Variants in KBTBD3 observed in about 807,000 individuals in gnomAD.
KBTBD3 encodes kelch repeat and BTB domain containing 3, also known as kelch repeat and BTB domain-containing protein 3.
KBTBD3 carries 38 observed loss-of-function variants against 49.6 expected under a neutral mutation model. That is an observed-to-expected ratio of 0.77 (90% CI 0.59 to 1.00). The LOEUF (loss-of-function observed/expected upper bound fraction) is 1.00. Among genes scored for constraint, KBTBD3 ranks in the 50% least tolerant of loss-of-function variants. The pLI is 0.00. For synonymous variants in KBTBD3, 214 were observed against 250.4 expected (o/e 0.85, Z 1.37); for missense variants, 661 against 712.0 (o/e 0.93, Z 0.81).
intron 1 of KBTBD3, among the ~76,000 whole-genome samples, 182 bp downstream of exon 1, chr11:106,077,130 T>C (rs1208497339): frequency 6.6e-6 from 1 of 152,070 alleles, no homozygotes; most frequent in African/African-American, 2.4e-5. Context: ...GGCTGATGCG[T>C]TGCACAACTG....
intron 2 of KBTBD3, among the ~76,000 whole-genome samples, chr11:106,064,048 T>G (rs1186947265): frequency 2.6e-5 from 4 of 152,170 alleles, no homozygotes; most frequent in Non-Finnish European, 5.9e-5. Flanking sequence ...ATCAATAAGT[T>G]TACACTTATA....
rs1024594843 is a variant in KBTBD3 at position 106,052,094 on chromosome 11, C to G, written c.*756G>C. On this transcript the variant is annotated 3_prime_UTR_variant, in exon 4 of 4. Transcript: ENST00000531837. ...ATTGAGGGTTACATGTTAACATAAACTCAGGCCAGGTGTAACTTAGAACTA... is the reference window on the plus strand; with the variant it reads ...ATTGAGGGTTACATGTTAACATAAAGTCAGGCCAGGTGTAACTTAGAACTA... The G allele has an allele frequency of 1.3e-5, 2 of 151,668 alleles. No individual in the cohort carries two copies. Among genetic ancestry groups the G allele is most frequent in the Non-Finnish European group, 2.9e-5 (2 of 67,800 alleles). The allele number at this position is 151,668 out of a possible 1,614,324, so 9.4% of individuals were successfully genotyped here. A position where few individuals can be genotyped will look rare whatever the true frequency, so the allele number is the denominator to read the frequency against.
intron 2 of KBTBD3, among the ~76,000 whole-genome samples, chr11:106,070,930 C>T (rs1272062114): frequency 6.6e-6 from 1 of 152,020 alleles, no homozygotes; most frequent in Non-Finnish European, 1.5e-5. Context: ...GGAATCTACA[C>T]GTGAGAAAAT....
intron 2 of KBTBD3, 22 bp from the exon 3 acceptor site, chr11:106,059,131 CG>C (rs751302636): frequency 7.2e-7 from 1 of 1,388,970 alleles, no homozygotes; most frequent in Non-Finnish European, 9.8e-7. Context: ...ACAAAATCAC[CG>C]ATGTAGTAGA....
chr11:106,068,131 T>C (rs79607692), intron 2 of KBTBD3, among the ~76,000 whole-genome samples: 1 of 146,416 alleles, frequency 6.8e-6, no homozygotes, highest in African/African-American at 2.5e-5. Flanking sequence ...GAAAAAAAAA[T>C]AGACAAATCC....
chr11:106,057,538 T>C (rs1860579635), intron 3 of KBTBD3: 1 of 152,280 alleles, frequency 6.6e-6, no homozygotes. Context: ...ACTACCTTGA[T>C]ACAATTAACA....
rs1266796098 is a variant in KBTBD3 at position 106,052,701 on chromosome 11, T to C, written c.*149A>G. The C allele has an allele frequency of 1.7e-6, 1 of 574,968 alleles. No homozygotes were observed. Among genetic ancestry groups the C allele is most frequent in the African/African-American group, 1.9e-5 (1 of 53,026 alleles). The allele number at this position is 574,968 out of a possible 1,614,324, so 35.6% of individuals were successfully genotyped here. A position where few individuals can be genotyped will look rare whatever the true frequency, so the allele number is the denominator to read the frequency against. ...AAAATATATTTTGTATTTTAAGTTT[T>C]TGGAAACTGTTTATTCATATATGGT... On this transcript the variant is annotated 3_prime_UTR_variant, in exon 4 of 4. Transcript: ENST00000531837.
intron 2 of KBTBD3, among the ~76,000 whole-genome samples, chr11:106,060,080 T>C (rs1385349085): frequency 6.6e-6 from 1 of 152,124 alleles, no homozygotes; most frequent in Non-Finnish European, 1.5e-5. Flanking sequence ...ATGTCCAGTA[T>C]GGTTTCCTCA....
chr11:106,065,687 G>A (rs560850802), intron 2 of KBTBD3, among the ~76,000 whole-genome samples: 5 of 152,222 alleles, frequency 3.3e-5, no homozygotes, highest in South Asian at 4.1e-4. Flanking sequence ...AAGGCTGGGC[G>A]CGGTGGCTCA....
At chr11:106,056,270 A>C (rs1312249367) in intron 3 of KBTBD3, among the ~76,000 whole-genome samples, 3 of 152,248 alleles carry the variant, frequency 2.0e-5, no homozygotes, top group African/African-American at 7.2e-5. Flanking sequence ...TATATGTAAT[A>C]AAGGATCTGA....
At chr11:106,074,910 T>C (rs1024385576) in intron 2 of KBTBD3, among the ~76,000 whole-genome samples, 17 of 152,148 alleles carry the variant, frequency 1.1e-4, no homozygotes, top group South Asian at 2.1e-4. Context: ...CAAATAAGTC[T>C]TGGGGGAAAA....
intron 2 of KBTBD3, chr11:106,076,303 T>C (rs896780465): frequency 2.6e-5 from 4 of 152,218 alleles, no homozygotes; most frequent in Non-Finnish European, 5.9e-5. Flanking sequence ...GCTAAGATGA[T>C]ATATTAAGCC....
chr11:106,069,282 C>T (rs1591538635), intron 2 of KBTBD3, among the ~76,000 whole-genome samples: 2 of 151,908 alleles, frequency 1.3e-5, no homozygotes, highest in Non-Finnish European at 2.9e-5. Flanking sequence ...GCATATACAT[C>T]GGAAAGGAAG....
rs1240459852 is a variant in KBTBD3, at chr11:106,052,305, G to A, written c.*545C>T. The A allele has an allele frequency of 6.6e-6, 1 of 151,742 alleles. No individual in the cohort carries two copies. Among genetic ancestry groups the A allele is most frequent in the Non-Finnish European group, 1.5e-5 (1 of 67,898 alleles). The allele number at this position is 151,742 out of a possible 1,614,324, so 9.4% of individuals were successfully genotyped here. On this transcript the variant is annotated 3_prime_UTR_variant, in exon 4 of 4. Transcript: ENST00000531837. ...TACATTATGCTTTTAATGAAAAAAT[G>A]AGTCATTAAAAAAAGTTAAACTATG... is the stretch of plus-strand genomic sequence containing the variant.
rs545487112 is a variant in KBTBD3, at chr11:106,065,788, C to T, written c.-12-6679G>A. Among the ~76,000 whole-genome samples the T allele has an allele frequency of 1.3e-4, 19 of 152,000 alleles. No individual in the cohort carries two copies. The East Asian group carries it at 3.5e-3, about 28-fold the overall frequency. On this transcript the variant is annotated intron_variant, in intron 2 of 3. Transcript: ENST00000531837. ...CCAGCCTGGCCAACACGGTAAAACC[C>T]CGTCTCTACTAAAAATACAAAAATT...
chr11:106,053,589 T>G lies in KBTBD3; in HGVS notation c.1100A>C (p.His367Pro). The change falls in exon 4 of 4, where the codon CAT becomes CCT. Residue 367 changes from histidine to proline, a missense_variant. Transcript: ENST00000531837. ...GCACCAGGTTTGATCAGTGGCATCATGATATGACTCGGCAATATGCAGTCG... is the reference window on the plus strand; with the variant it reads ...GCACCAGGTTTGATCAGTGGCATCAGGATATGACTCGGCAATATGCAGTCG... ...TVRLHIAESY[H>P]DATDQTWCYC... is the part of the protein sequence containing the mutation. 1 of 1,613,922 alleles carries G rather than the reference T, an allele frequency of 6.2e-7. No individual in the cohort carries two copies. The highest frequency in any genetic ancestry group is 8.5e-7 in the Non-Finnish European group (1 of 1,179,908).
In KBTBD3 at chr11:106,052,761, A is replaced by G; in HGVS notation, c.*89T>C. 1 of 1,023,658 alleles carries G rather than the reference A, an allele frequency of 9.8e-7. No individual in the cohort carries two copies. The highest frequency in any genetic ancestry group is 1.4e-6 in the Non-Finnish European group (1 of 694,722). The allele number at this position is 1,023,658 out of a possible 1,614,324, so 63.4% of individuals were successfully genotyped here. A position where few individuals can be genotyped will look rare whatever the true frequency, so the allele number is the denominator to read the frequency against. On this transcript the variant is annotated 3_prime_UTR_variant, in exon 4 of 4. Transcript: ENST00000531837. The stretch of plus-strand genomic sequence containing the variant: ...TAATAACTAAAAGCAGGAATGTTTT[A>G]TTTCATTAAGATGTATAGATCTTTT...
Position 106,054,290 on chromosome 11 carries a change from T to C in KBTBD3, c.399A>G (p.Gln133=), listed in dbSNP as rs757168963. 20 of 1,613,268 alleles carry C rather than the reference T, an allele frequency of 1.2e-5. No homozygotes were observed. The highest frequency in any genetic ancestry group is 1.7e-4 in the Middle Eastern group (1 of 6,054). The change falls in exon 4 of 4, where the codon CAA becomes CAG. Residue 133 remains glutamine (Q), a synonymous_variant. Transcript: ENST00000531837. The stretch of plus-strand genomic sequence containing the variant: ...TGCAAGCTTTGGATAGGAAGGAAAC[T>C]TGAAGAAATGATGACAACTGGAAGA... ...EMFFQLSSFL[Q]VSFLSKACSD...
rs1331969366 is a variant in KBTBD3, at chr11:106,052,293, T to C, written c.*557A>G. ...ATTATAACATGGTACATTATGCTTT[T>C]AATGAAAAAATGAGTCATTAAAAAA... On this transcript the variant is annotated 3_prime_UTR_variant, in exon 4 of 4. Transcript: ENST00000531837. 1.3e-5 allele frequency: 2 copies of C among 151,944 alleles called. No homozygotes were observed. Among genetic ancestry groups the C allele is most frequent in the East Asian group, 3.9e-4 (2 of 5,192 alleles). 9.4% of individuals were successfully genotyped at this position (151,944 alleles called of 1,614,324 possible).
Sources: gnomAD v4.1 joint callset for allele counts (sites outside exome capture counted in the v4.1 genomes callset) on GRCh38, gnomAD v4.1.1 for gene constraint, MANE v1.5 for transcripts, NCBI Gene and HGNC (gene_info 2026-07-23, HGNC 2026-07-21) for gene names.